Variants in PPFIA2 observed in about 807,000 individuals in gnomAD.
PPFIA2 encodes liprin-alpha-2.
PPFIA2 carries 46 observed loss-of-function variants against 175.5 expected under a neutral mutation model. That is an observed-to-expected ratio of 0.26 (90% CI 0.21 to 0.34). The LOEUF (loss-of-function observed/expected upper bound fraction) is 0.34, where lower values mean the gene tolerates loss of function less well. PPFIA2 is among the 10% of genes least tolerant of loss of function. PPFIA2 has a pLI of 1.00. For missense variants in PPFIA2, 1,179 were observed against 1,506.1 expected (o/e 0.78, Z 3.60); for synonymous variants, 568 against 511.4 (o/e 1.11, Z -1.49).
rs1047140886 is a variant in PPFIA2, at chr12:81,747,716, G to A, written c.249+6257C>T. Reference sequence around the variant, plus strand: ...CACTTTGACCAAGGTTATTGAGCTAGTAAGTAGCAAGTCCAATTATACCTA... The same window carrying A: ...CACTTTGACCAAGGTTATTGAGCTAATAAGTAGCAAGTCCAATTATACCTA... On this transcript the variant is annotated intron_variant, in intron 3 of 32. Transcript: ENST00000549396. Among the ~76,000 whole-genome samples the A allele has an allele frequency of 3.5e-5, 5 of 144,124 alleles. 1 individual carries two copies. The highest frequency in any genetic ancestry group is 7.8e-5 in the Non-Finnish European group (5 of 64,274). The allele number at this position is 144,124 out of a possible 152,430, so 94.6% of individuals were successfully genotyped here. A position where few individuals can be genotyped will look rare whatever the true frequency, so the allele number is the denominator to read the frequency against.
At chr12:81,644,606 T>G (rs1356591784) in intron 4 of PPFIA2, among the ~76,000 whole-genome samples, 1 of 152,128 alleles carries the variant, frequency 6.6e-6, no homozygotes, top group Non-Finnish European at 1.5e-5. Context: ...TGGTGCTTTC[T>G]TTCTATACTA....
In PPFIA2 at chr12:81,404,428, A is replaced by G. The variant is rs140813383; in HGVS notation, c.762+1359T>C. Reference sequence around the variant, plus strand: ...ATGACATAATTAAAATGAAAGAGCAATATCAAATTACATGTTGGTTTCCTA... The same window carrying G: ...ATGACATAATTAAAATGAAAGAGCAGTATCAAATTACATGTTGGTTTCCTA... On this transcript the variant is annotated intron_variant, in intron 8 of 32. Coordinates refer to ENST00000549396, the MANE Select transcript of PPFIA2 (RefSeq NM_003625.5). 2.4e-4 allele frequency among the ~76,000 whole-genome samples: 36 copies of G among 152,316 alleles called. No individual in the cohort carries two copies. The East Asian group carries it at 5.4e-3, about 23-fold the overall frequency.
At chr12:81,316,295 T>G (rs2139374717) in intron 22 of PPFIA2, among the ~76,000 whole-genome samples, 1 of 151,694 alleles carries the variant, frequency 6.6e-6, no homozygotes, top group Non-Finnish European at 1.5e-5. Context: ...AAAGATCTTA[T>G]AAAAAATACT....
chr12:81,342,360 T>C (rs946583163), intron 19 of PPFIA2, among the ~76,000 whole-genome samples: 6 of 152,106 alleles, frequency 3.9e-5, no homozygotes, highest in Non-Finnish European at 7.4e-5. Context: ...TGAAAAAAGT[T>C]CTTAGTATGG....
chr12:81,605,436 C>T (rs967805237), intron 4 of PPFIA2, among the ~76,000 whole-genome samples: 20 of 151,192 alleles, frequency 1.3e-4, no homozygotes, highest in Admixed American at 4.6e-4. Context: ...AGAGAGGAGG[C>T]GAGGGGAGGA....
intron 4 of PPFIA2, among the ~76,000 whole-genome samples, chr12:81,611,699 G>A (rs541624539): frequency 1.3e-5 from 2 of 152,226 alleles, no homozygotes; most frequent in South Asian, 4.2e-4. Context: ...GTCAGCTGGG[G>A]CCAATGCCTC....
At chr12:81,617,675 T>C (rs2061543923) in intron 4 of PPFIA2, among the ~76,000 whole-genome samples, 1 of 152,230 alleles carries the variant, frequency 6.6e-6, no homozygotes, top group Admixed American at 6.5e-5. Context: ...CCTCACTTTA[T>C]TTCACACTAT....
chr12:81,312,119 T>C (rs955995972), intron 22 of PPFIA2: 27 of 1,527,622 alleles, frequency 1.8e-5, no homozygotes, highest in Non-Finnish European at 2.4e-5. Flanking sequence ...AAGATGGCGC[T>C]GAAAATAAAC....
intron 3 of PPFIA2, among the ~76,000 whole-genome samples, chr12:81,728,813 C>T (rs1449621582): frequency 6.6e-6 from 1 of 151,240 alleles, no homozygotes; most frequent in Non-Finnish European, 1.5e-5. Context: ...AAAGAGTAAA[C>T]TTATTTCAAA....
chr12:81,445,904 T>C (rs1046340730), intron 5 of PPFIA2, among the ~76,000 whole-genome samples, 184 bp from the exon 6 acceptor site: 2 of 152,212 alleles, frequency 1.3e-5, no homozygotes, highest in African/African-American at 4.8e-5. Context: ...ACATTAAAGA[T>C]AAATTGTATT....
intron 4 of PPFIA2, among the ~76,000 whole-genome samples, chr12:81,484,997 A>T (rs965550762): frequency 6.6e-6 from 1 of 151,940 alleles, no homozygotes; most frequent in Admixed American, 6.6e-5. Context: ...TTAGAGACAT[A>T]AGAAAATGCT....
At chr12:81,461,310 A>G (rs559912371) in intron 4 of PPFIA2, among the ~76,000 whole-genome samples, 5 of 152,202 alleles carry the variant, frequency 3.3e-5, no homozygotes, top group South Asian at 4.1e-4. Flanking sequence ...TCACCGCTCA[A>G]TATGACCCAC....
At chr12:81,321,678 C>T (rs369916063) in intron 22 of PPFIA2, among the ~76,000 whole-genome samples, 1 of 152,224 alleles carries the variant, frequency 6.6e-6, no homozygotes, top group Non-Finnish European at 1.5e-5. Context: ...GGAAATATGG[C>T]TGACAGTTTG....
At chr12:81,528,274 T>C (rs1392871308) in intron 4 of PPFIA2, among the ~76,000 whole-genome samples, 1 of 151,950 alleles carries the variant, frequency 6.6e-6, no homozygotes, top group Non-Finnish European at 1.5e-5. Context: ...AATCAAGAAC[T>C]CAGATAGTGA....
intron 4 of PPFIA2, among the ~76,000 whole-genome samples, chr12:81,663,802 C>T (rs1193380566): frequency 6.6e-6 from 1 of 152,146 alleles, no homozygotes; most frequent in Non-Finnish European, 1.5e-5. Context: ...TACAAGGCTA[C>T]AGTAACCAAA....
At chr12:81,320,953 G>C (rs2053524653) in intron 22 of PPFIA2, among the ~76,000 whole-genome samples, 1 of 151,900 alleles carries the variant, frequency 6.6e-6, no homozygotes, top group Admixed American at 6.6e-5. Context: ...CAAGTCTTCA[G>C]TTTGAAAGAA....
At chr12:81,622,877 T>C (rs2062225342) in intron 4 of PPFIA2, among the ~76,000 whole-genome samples, 1 of 152,100 alleles carries the variant, frequency 6.6e-6, no homozygotes, top group African/African-American at 2.4e-5. Context: ...TAGCAACAAT[T>C]TGAAGTAGAT....
At chr12:81,511,726 A>G (rs11114895) in intron 4 of PPFIA2, among the ~76,000 whole-genome samples, 11,499 of 152,100 alleles carry the variant, frequency 0.076, 562 homozygotes, top group East Asian at 0.2. Context: ...ATGAATGAAT[A>G]CATGTATTTC....
intron 17 of PPFIA2, among the ~76,000 whole-genome samples, chr12:81,348,899 G>T (rs2059539634): frequency 1.3e-5 from 2 of 152,104 alleles, no homozygotes; most frequent in South Asian, 4.1e-4. Flanking sequence ...ATTCTCCTGA[G>T]CTATTTTGTT....
Sources: gnomAD v4.1 joint callset for allele counts (sites outside exome capture counted in the v4.1 genomes callset) on GRCh38, gnomAD v4.1.1 for gene constraint, MANE v1.5 for transcripts, NCBI Gene and HGNC (gene_info 2026-07-23, HGNC 2026-07-21) for gene names.